Variants in TTBK2 observed in about 807,000 individuals in gnomAD.
TTBK2 encodes tau tubulin kinase 2.
A neutral mutation model predicts 110.8 loss-of-function variants in TTBK2; 28 were observed. The ratio of observed to expected loss-of-function variants is 0.25; its 90% CI spans 0.19 to 0.35. The LOEUF (loss-of-function observed/expected upper bound fraction) is 0.35, where lower values mean the gene tolerates loss of function less well. Ranked by LOEUF, TTBK2 falls within the 10% of genes least tolerant of loss-of-function variation. TTBK2 has a pLI of 1.00. For synonymous variants in TTBK2, 532 were observed against 527.3 expected (o/e 1.01, Z -0.12); for missense variants, 1,369 against 1,500.3 (o/e 0.91, Z 1.45).
At position 42,815,949 on chromosome 15, in the gene TTBK2, T is replaced by A. The variant is rs866156854; in HGVS notation, c.603+1083A>T. 6.1e-3 allele frequency among the ~76,000 whole-genome samples: 228 copies of A among 37,106 alleles called. 3 individuals are homozygous for A. The highest frequency in any genetic ancestry group is 0.021 in the South Asian group (15 of 720). The allele number at this position is 37,106 out of a possible 152,430, so 24.3% of individuals were successfully genotyped here. On this transcript the variant is annotated intron_variant, in intron 7 of 14. Transcript: ENST00000267890. ...ATTTAAAAATATATATATATATATT[T>A]AAAAAAAAAATATATATATATATAT...
At chr15:42,753,413 G>A (rs1441363590) in intron 13 of TTBK2, among the ~76,000 whole-genome samples, 166 bp from the exon 14 acceptor site, 3 of 152,158 alleles carry the variant, frequency 2.0e-5, no homozygotes, top group Non-Finnish European at 4.4e-5. Flanking sequence ...AACAATGATT[G>A]ACACTCAAGC....
chr15:42,794,751 C>G lies in TTBK2; in HGVS notation c.873G>C (p.Glu291Asp), dbSNP rs1270721145. The G allele has an allele frequency of 3.1e-6, 5 of 1,614,092 alleles. No homozygotes were observed. The highest frequency in any genetic ancestry group is 3.3e-5 in the Admixed American group (2 of 60,018). ...TCTTCTCCCAGTCAAAAGGGTCACT[C>G]TCAATTACTCCAAAAGTCTTGATGC... ...DNSIKTFGVI[E>D]SDPFDWEKTG... The change falls in exon 10 of 15, where the codon GAG becomes GAC. Residue 291 changes from glutamate to aspartate, a missense_variant. Transcript: ENST00000267890.
At chr15:42,849,055 T>C (rs1893588475) in intron 3 of TTBK2, among the ~76,000 whole-genome samples, 1 of 152,226 alleles carries the variant, frequency 6.6e-6, no homozygotes, top group Non-Finnish European at 1.5e-5. Context: ...ATTATTTCTT[T>C]ATATATCTTT....
At chr15:42,796,278 C>T (rs1474138228) in intron 9 of TTBK2, among the ~76,000 whole-genome samples, 4 of 152,116 alleles carry the variant, frequency 2.6e-5, no homozygotes, top group Admixed American at 2.6e-4. Context: ...GTGGCAGGTG[C>T]CTGTAGTCCC....
chr15:42,876,450 C>A (rs1042020061), intron 2 of TTBK2, among the ~76,000 whole-genome samples: 2 of 152,188 alleles, frequency 1.3e-5, no homozygotes, highest in African/African-American at 4.8e-5. Flanking sequence ...ACACTCATGT[C>A]TGACTTACAT....
chr15:42,782,531 A>G (rs907309831), intron 11 of TTBK2, among the ~76,000 whole-genome samples: 1 of 152,232 alleles, frequency 6.6e-6, no homozygotes, highest in Non-Finnish European at 1.5e-5. Context: ...ATATCTACCC[A>G]AAGAGACCGT....
intron 7 of TTBK2, among the ~76,000 whole-genome samples, chr15:42,813,777 C>T (rs1247683456): frequency 1.3e-5 from 2 of 150,418 alleles, no homozygotes; most frequent in African/African-American, 4.9e-5. Flanking sequence ...ACCCAGGAGG[C>T]GGAGGTTGCA....
intron 4 of TTBK2, among the ~76,000 whole-genome samples, chr15:42,833,938 G>A (rs1390040853): frequency 6.6e-6 from 1 of 152,126 alleles, no homozygotes; most frequent in Non-Finnish European, 1.5e-5. Flanking sequence ...TTAAACCCGG[G>A]AGGTGGAGGT....
intron 1 of TTBK2, among the ~76,000 whole-genome samples, chr15:42,902,116 T>G (rs916436748): frequency 6.6e-6 from 1 of 151,062 alleles, no homozygotes; most frequent in Non-Finnish European, 1.5e-5. Context: ...CTAGGGAGGC[T>G]GAGGCAGGAG....
chr15:42,788,158 A>G (rs1368428222), intron 10 of TTBK2, among the ~76,000 whole-genome samples: 1 of 152,228 alleles, frequency 6.6e-6, no homozygotes, highest in Non-Finnish European at 1.5e-5. Context: ...ATTACACGGC[A>G]CATGACTGTA....
At chr15:42,834,091 G>T (rs1892889798) in intron 4 of TTBK2, among the ~76,000 whole-genome samples, 1 of 149,990 alleles carries the variant, frequency 6.7e-6, no homozygotes, top group East Asian at 2.0e-4. Flanking sequence ...ACTCAGGAAG[G>T]TGTGGTAAGA....
intron 10 of TTBK2, among the ~76,000 whole-genome samples, chr15:42,788,193 G>A (rs1314494830): frequency 6.6e-6 from 1 of 152,158 alleles, no homozygotes; most frequent in African/African-American, 2.4e-5. Flanking sequence ...TAAATTTCCA[G>A]TAAAAGGGCC....
chr15:42,821,880 C>T (rs546254597), intron 6 of TTBK2, among the ~76,000 whole-genome samples: 7 of 151,804 alleles, frequency 4.6e-5, no homozygotes, highest in Admixed American at 2.0e-4. Context: ...TTAGTAGAGA[C>T]GGAGTTCCAC....
intron 1 of TTBK2, among the ~76,000 whole-genome samples, chr15:42,882,218 AACACAC>A (rs374173638): frequency 1.3e-5 from 2 of 150,824 alleles, no homozygotes; most frequent in Non-Finnish European, 3.0e-5. Context: ...CAATAAGCAC[AACACAC>A]ACACACACAC....
chr15:42,813,857 T>TAA (rs912280517), intron 7 of TTBK2, among the ~76,000 whole-genome samples: 2 of 143,016 alleles, frequency 1.4e-5, no homozygotes, highest in African/African-American at 5.1e-5. Context: ...CTCCATCTCT[T>TAA]AAAAAAAAAA....
rs1055758230 is a variant in TTBK2, at chr15:42,743,980, A to C, written c.*1815T>G. ...ACTCTATATAAGGATATGTCTCTCT[A>C]TATATTTATAAATATTTATATAATT... On this transcript the variant is annotated 3_prime_UTR_variant, in exon 15 of 15. Coordinates refer to ENST00000267890, the MANE Select transcript of TTBK2 (RefSeq NM_173500.4). 6.6e-6 allele frequency: 1 copy of C among 152,148 alleles called. No homozygotes were observed. Among genetic ancestry groups the C allele is most frequent in the Non-Finnish European group, 1.5e-5 (1 of 68,016 alleles). 9.4% of individuals were successfully genotyped at this position (152,148 alleles called of 1,614,324 possible).
At chr15:42,885,475 G>A (rs748858144) in intron 1 of TTBK2, among the ~76,000 whole-genome samples, 1 of 152,028 alleles carries the variant, frequency 6.6e-6, no homozygotes, top group African/African-American at 2.4e-5. Flanking sequence ...CATTTTATCC[G>A]TGGACCCAAA....
At chr15:42,838,104 A>G (rs541267827) in intron 4 of TTBK2, among the ~76,000 whole-genome samples, 20 of 152,204 alleles carry the variant, frequency 1.3e-4, no homozygotes, top group Middle Eastern at 3.4e-3. Flanking sequence ...GCTATTCCAG[A>G]AGCTGAGGCA....
At chr15:42,905,052 TG>T in intron 1 of TTBK2, among the ~76,000 whole-genome samples, 1 of 151,668 alleles carries the variant, frequency 6.6e-6, no homozygotes, top group East Asian at 2.0e-4. Flanking sequence ...TTGTATTTTT[TG>T]TAGACACAGG....
Sources: allele counts gnomAD v4.1 joint callset (sites outside exome capture counted in the v4.1 genomes callset), GRCh38; gene constraint gnomAD v4.1.1; transcripts MANE v1.5; gene names NCBI Gene and HGNC (gene_info 2026-07-23, HGNC 2026-07-21).